The following RNF150 variants were observed in gnomAD, a reference collection of about 807,000 sequenced individuals.
RNF150 encodes the protein ring finger protein 150.
RNF150 carries 24 observed loss-of-function variants against 39.3 expected under a neutral mutation model. The ratio of observed to expected loss-of-function variants is 0.61; its 90% CI spans 0.44 to 0.86. The LOEUF (loss-of-function observed/expected upper bound fraction) is 0.86. Among genes scored for constraint, RNF150 ranks in the 40% least tolerant of loss-of-function variants. The pLI is 0.00. For missense variants in RNF150, 502 were observed against 587.8 expected, an observed-to-expected ratio of 0.85 and a Z score of 1.51; for synonymous variants, 255 against 227.3, an observed-to-expected ratio of 1.12 and a Z score of -1.10.
At chr4:140,921,152 C>T (rs1453099319) in intron 5 of RNF150, among the ~76,000 whole-genome samples, 1 of 136,998 alleles carries the variant, frequency 7.3e-6, no homozygotes, top group East Asian at 2.5e-4. Context: ...GCACATTGTG[C>T]ACATGTACCC....
chr4:141,061,719 C>G (rs1487705286), intron 1 of RNF150, among the ~76,000 whole-genome samples: 2 of 152,112 alleles, frequency 1.3e-5, no homozygotes, highest in African/African-American at 4.8e-5. Flanking sequence ...CTAAAGAGCA[C>G]AGTAGCAACT....
intron 6 of RNF150, among the ~76,000 whole-genome samples, chr4:140,906,395 A>C (rs1325034555): frequency 6.6e-6 from 1 of 152,204 alleles, no homozygotes; most frequent in Non-Finnish European, 1.5e-5. Context: ...ATTAGGTATA[A>C]GTATCTAGAG....
intron 4 of RNF150, among the ~76,000 whole-genome samples, chr4:140,928,837 C>T (rs1731501818): frequency 6.6e-6 from 1 of 152,154 alleles, no homozygotes; most frequent in South Asian, 2.1e-4. Context: ...TGAGCCACCG[C>T]GCCCGGCCCT....
chr4:141,118,659 C>T (rs1366330049), intron 1 of RNF150, among the ~76,000 whole-genome samples: 1 of 152,170 alleles, frequency 6.6e-6, no homozygotes, highest in Non-Finnish European at 1.5e-5. Context: ...TTCAGGGTCA[C>T]CATTCCTTTG....
chr4:140,921,086 C>T (rs1180081650), intron 5 of RNF150, among the ~76,000 whole-genome samples: 4 of 150,220 alleles, frequency 2.7e-5, no homozygotes, highest in African/African-American at 4.9e-5. Context: ...CGCTAAATGA[C>T]GAGTTAATGG....
intron 6 of RNF150, among the ~76,000 whole-genome samples, chr4:140,883,327 C>T (rs6829424): frequency 0.22 from 34,187 of 152,028 alleles, 5,400 homozygotes; most frequent in African/African-American, 0.43. Flanking sequence ...ACCACCCTAT[C>T]ACAGTATTGT....
intron 1 of RNF150, among the ~76,000 whole-genome samples, chr4:141,066,956 C>T (rs1737485795): frequency 6.6e-6 from 1 of 152,122 alleles, no homozygotes; most frequent in Admixed American, 6.6e-5. Context: ...CCGTATTGCT[C>T]CTAGACTACC....
At chr4:140,915,256 T>C (rs1220583348) in intron 5 of RNF150, among the ~76,000 whole-genome samples, 4 of 152,182 alleles carry the variant, frequency 2.6e-5, no homozygotes, top group East Asian at 1.9e-4. Flanking sequence ...ACATGGAACA[T>C]AGGAAAATTA....
chr4:140,893,021 T>C (rs1729812266), intron 6 of RNF150, among the ~76,000 whole-genome samples: 1 of 152,138 alleles, frequency 6.6e-6, no homozygotes. Context: ...GAGCCATGAT[T>C]GCACCATTGC....
intron 6 of RNF150, among the ~76,000 whole-genome samples, chr4:140,906,589 G>A (rs1342155438): frequency 1.3e-5 from 2 of 152,120 alleles, no homozygotes; most frequent in Non-Finnish European, 2.9e-5. Flanking sequence ...CAGAGTTGAT[G>A]GGAAGTTAGC....
At position 141,133,200 on chromosome 4, in the gene RNF150, G is replaced by A. The variant is rs947390833; in HGVS notation, c.-392C>T. The stretch of plus-strand genomic sequence containing the variant: ...CGGCCCTGCGCCCTCCAGCCCCGGC[G>A]GGGACGGGCACGATTGCTCGTAGTC... On this transcript the variant is annotated 5_prime_UTR_variant, in exon 1 of 7. Transcript: ENST00000515673. 3 of 236,552 alleles carry A rather than the reference G, an allele frequency of 1.3e-5. No individual in the cohort carries two copies. Among genetic ancestry groups the A allele is most frequent in the African/African-American group, 7.2e-5 (3 of 41,940 alleles). 14.7% of individuals were successfully genotyped at this position (236,552 alleles called of 1,614,324 possible). A position where few individuals can be genotyped will look rare whatever the true frequency, so the allele number is the denominator to read the frequency against.
chr4:140,872,560 A>AGCG (rs72522893), intron 6 of RNF150, among the ~76,000 whole-genome samples: 3 of 151,874 alleles, frequency 2.0e-5, no homozygotes, highest in Non-Finnish European at 4.4e-5. Context: ...AAACTATTAC[A>AGCG]GAACAGATGA....
In RNF150 at chr4:140,906,452, T is replaced by G. The variant is rs569702659; in HGVS notation, c.1198+4692A>C. Among the ~76,000 whole-genome samples, 4 of 152,310 alleles carry G rather than the reference T, an allele frequency of 2.6e-5. No homozygotes were observed. The South Asian group carries it at 8.3e-4, about 32-fold the overall frequency. ...TATGCAAATATTACACCATTTTATA[T>G]AAGAAACTTGAACATTCTCAGATTT... is the stretch of plus-strand genomic sequence containing the variant. On this transcript the variant is annotated intron_variant, in intron 6 of 6. Transcript: ENST00000515673.
At chr4:140,987,432 GAATAA>G (rs1165028296) in intron 1 of RNF150, among the ~76,000 whole-genome samples, 3 of 151,946 alleles carry the variant, frequency 2.0e-5, no homozygotes, top group Non-Finnish European at 4.4e-5. Context: ...CAGACCAATA[GAATAA>G]AATAGAGAAC....
intron 6 of RNF150, among the ~76,000 whole-genome samples, chr4:140,902,070 A>G (rs1560956179): frequency 6.6e-6 from 1 of 152,182 alleles, no homozygotes; most frequent in Non-Finnish European, 1.5e-5. Flanking sequence ...ACACTGACAA[A>G]AACAGATTTC....
intron 1 of RNF150, among the ~76,000 whole-genome samples, chr4:141,041,805 A>AGTAATATATG (rs1238043824): frequency 6.6e-6 from 1 of 152,134 alleles, no homozygotes; most frequent in Admixed American, 6.6e-5. Flanking sequence ...GAACGGTAAA[A>AGTAATATATG]GTAATATATG....
chr4:141,076,048 G>A (rs1216043638), intron 1 of RNF150, among the ~76,000 whole-genome samples: 1 of 152,180 alleles, frequency 6.6e-6, no homozygotes, highest in Non-Finnish European at 1.5e-5. Flanking sequence ...CAATAAAAAT[G>A]TATAGGGACA....
intron 6 of RNF150, among the ~76,000 whole-genome samples, chr4:140,885,961 T>C (rs893712001): frequency 2.0e-5 from 3 of 151,970 alleles, no homozygotes; most frequent in Non-Finnish European, 4.4e-5. Flanking sequence ...GAGGCCGAGA[T>C]GGGTGGATCA....
chr4:141,127,149 G>A (rs1041034847), intron 1 of RNF150, among the ~76,000 whole-genome samples: 1 of 150,622 alleles, frequency 6.6e-6, no homozygotes, highest in African/African-American at 2.4e-5. Flanking sequence ...GTTGCAAGCC[G>A]AGATCTACCA....
Sources: gnomAD v4.1 joint callset for allele counts (sites outside exome capture counted in the v4.1 genomes callset) on GRCh38, gnomAD v4.1.1 for gene constraint, MANE v1.5 for transcripts, NCBI Gene and HGNC (gene_info 2026-07-23, HGNC 2026-07-21) for gene names.